LMTK2: variants seen among roughly 807,000 people sequenced by gnomAD.
LMTK2 encodes the protein lemur tail kinase 2.
In LMTK2, 37 loss-of-function variants were observed where a neutral mutation model predicts 127.5. The ratio of observed to expected loss-of-function variants is 0.29; its 90% CI spans 0.22 to 0.38. The LOEUF is 0.38. LMTK2 is among the 10% of genes least tolerant of loss of function. The pLI, the probability that LMTK2 is intolerant of heterozygous loss-of-function variation, is 1.00. For missense variants in LMTK2, 1,694 were observed against 1,920.3 expected (o/e 0.88, Z 2.20); for synonymous variants, 819 against 810.1 (o/e 1.01, Z -0.19).
intron 1 of LMTK2, among the ~76,000 whole-genome samples, chr7:98,133,832 A>G (rs1444016352): frequency 6.6e-6 from 1 of 152,192 alleles, no homozygotes; most frequent in Non-Finnish European, 1.5e-5. Flanking sequence ...CATGAATCAG[A>G]TAATTAGGCT....
At chr7:98,174,925 C>T (rs552048925) in intron 7 of LMTK2, among the ~76,000 whole-genome samples, 49 of 152,260 alleles carry the variant, frequency 3.2e-4, no homozygotes, top group African/African-American at 1.2e-3. Context: ...AGAGTGGAAA[C>T]GCATGTTCTC....
At position 98,106,914 on chromosome 7, in the gene LMTK2, C is replaced by A. The variant is rs1310194325; in HGVS notation, c.-264C>A. 6.7e-6 allele frequency: 3 copies of A among 447,926 alleles called. No homozygotes were observed. The highest frequency in any genetic ancestry group is 8.8e-5 in the Admixed American group (2 of 22,820). 27.7% of individuals were successfully genotyped at this position (447,926 alleles called of 1,614,324 possible). ...CGGGAGCGCGGCTTCCCAGGCCCGC[C>A]GCTCCGCAGGGCTGCTGGCGTTGCT... On this transcript the variant is annotated 5_prime_UTR_variant, in exon 1 of 14. Transcript: ENST00000297293.
At chr7:98,173,211 C>T (rs1651198522) in intron 7 of LMTK2, among the ~76,000 whole-genome samples, 2 of 152,148 alleles carry the variant, frequency 1.3e-5, no homozygotes, top group African/African-American at 2.4e-5. Flanking sequence ...TGTCAACATT[C>T]CTTCAAGGGG....
intron 4 of LMTK2, among the ~76,000 whole-genome samples, chr7:98,154,314 T>C (rs574649905): frequency 6.6e-6 from 1 of 152,328 alleles, no homozygotes. Context: ...TGATTGTAAT[T>C]AGCTTTCGTC....
At position 98,168,743 on chromosome 7, in the gene LMTK2, GGGCGTTGCA is replaced by G. The variant is rs1797140337; in HGVS notation, c.658-2795_658-2787del. ...GGTGTTTGAATGACTCATTCTACCA[GGGCGTTGCA>G]GGTCACTTGCTCTGCTGATGGAGAG... On this transcript the variant is annotated intron_variant, in intron 6 of 13. Transcript: ENST00000297293. Among the ~76,000 whole-genome samples, 3 of 152,262 alleles carry G rather than the reference GGGCGTTGCA, an allele frequency of 2.0e-5. No homozygotes were observed. The South Asian group carries it at 6.2e-4, about 32-fold the overall frequency.
intron 1 of LMTK2, among the ~76,000 whole-genome samples, chr7:98,116,413 CGTGTGTTTGTGCGTGTGTGT>C (rs1286452921): frequency 2.7e-5 from 4 of 149,536 alleles, no homozygotes; most frequent in African/African-American, 9.8e-5. Context: ...TGTGCATGTG[CGTGTGTTTGTGCGTGTGTGT>C]GTGTGTTTGT....
intron 2 of LMTK2, among the ~76,000 whole-genome samples, chr7:98,138,096 A>T (rs1293354240): frequency 6.6e-6 from 1 of 152,238 alleles, no homozygotes; most frequent in Non-Finnish European, 1.5e-5. Context: ...CCAGCCAGGA[A>T]GGCCTCTAGA....
intron 2 of LMTK2, 99 bp from the exon 3 acceptor site, chr7:98,141,298 A>G: frequency 8.4e-7 from 1 of 1,193,826 alleles, no homozygotes. Context: ...CAAACTGGAA[A>G]AAAATAATTG....
intron 7 of LMTK2, among the ~76,000 whole-genome samples, chr7:98,174,104 TAAAAAA>T (rs11351887): frequency 2.5e-5 from 3 of 117,898 alleles, no homozygotes; most frequent in African/African-American, 1.1e-4. Context: ...CATTTTGTTG[TAAAAAA>T]AAAAAAAAAA....
At chr7:98,198,331 C>T (rs1271884071) in intron 11 of LMTK2, among the ~76,000 whole-genome samples, 1 of 151,976 alleles carries the variant, frequency 6.6e-6, no homozygotes, top group East Asian at 1.9e-4. Context: ...GCTGGGATTA[C>T]AGGCGTGTGC....
chr7:98,108,976 C>T (rs1796158670), intron 1 of LMTK2, among the ~76,000 whole-genome samples: 1 of 151,454 alleles, frequency 6.6e-6, no homozygotes, highest in Non-Finnish European at 1.5e-5. Context: ...AGTTCTCTGC[C>T]TCAGCCTCCT....
At position 98,171,173 on chromosome 7, in the gene LMTK2, G is replaced by C. The variant is rs576659061; in HGVS notation, c.658-368G>C. Among the ~76,000 whole-genome samples, 35 of 152,138 alleles carry C rather than the reference G, an allele frequency of 2.3e-4. No homozygotes were observed. Among genetic ancestry groups the C allele is most frequent in the Non-Finnish European group, 4.7e-4 (32 of 68,038 alleles). Reference sequence around the variant, plus strand: ...GCTCACTGCCCAGGGGCCGCCTGGAGTCCATAGAACAGGCAGTGTGAGTGG... The same window carrying C: ...GCTCACTGCCCAGGGGCCGCCTGGACTCCATAGAACAGGCAGTGTGAGTGG... On this transcript the variant is annotated intron_variant, in intron 6 of 13. Coordinates refer to ENST00000297293, the MANE Select transcript of LMTK2 (RefSeq NM_014916.4). This position sits in a 1 kb window ranked among gnomAD's most constrained non-coding sequence, Gnocchi z 5.1.
At chr7:98,190,179 A>G (rs1035668305) in intron 9 of LMTK2, among the ~76,000 whole-genome samples, 2 of 152,202 alleles carry the variant, frequency 1.3e-5, no homozygotes, top group African/African-American at 4.8e-5. Context: ...TTCATTGGCC[A>G]AAACTTCTAG....
chr7:98,189,879 C>T (rs146958957), intron 9 of LMTK2, among the ~76,000 whole-genome samples: 1 of 152,242 alleles, frequency 6.6e-6, no homozygotes, highest in African/African-American at 2.4e-5. Context: ...GCAAAACCCA[C>T]GATACTGAGG....
At position 98,194,487 on chromosome 7, in the gene LMTK2, C is replaced by T; in HGVS notation, c.4022C>T (p.Ala1341Val). 1 of 1,613,744 alleles carries T rather than the reference C, an allele frequency of 6.2e-7. No individual in the cohort carries two copies. Among genetic ancestry groups the T allele is most frequent in the African/African-American group, 1.3e-5 (1 of 75,048 alleles). Residue 1341 changes from alanine (A) to valine (V), a missense_variant, in exon 11 of 14, where the codon GCC (alanine) becomes GTC (valine). By Grantham distance (64) the Ala-to-Val change is moderately conservative. Coordinates refer to ENST00000297293, the MANE Select transcript of LMTK2 (RefSeq NM_014916.4). The surrounding 1 kb of genome is among the most constrained non-coding windows in gnomAD (Gnocchi z 5.4). ...RSLLKPTAAN[A>V]PDPLPEDWKK... ...CTGTTGAAGCCCACAGCGGCCAATGCCCCCGACCCACTGCCCGAGGACTGG... is the reference window on the plus strand; with the variant it reads ...CTGTTGAAGCCCACAGCGGCCAATGTCCCCGACCCACTGCCCGAGGACTGG...
At chr7:98,204,990 G>C (rs1403580408) in intron 13 of LMTK2, among the ~76,000 whole-genome samples, 1 of 152,182 alleles carries the variant, frequency 6.6e-6, no homozygotes, top group Non-Finnish European at 1.5e-5. Flanking sequence ...GCGGGGTGGG[G>C]TGAATGGGCA....
chr7:98,126,811 T>C (rs1223095190), intron 1 of LMTK2: 1 of 152,212 alleles, frequency 6.6e-6, no homozygotes, highest in Non-Finnish European at 1.5e-5. Flanking sequence ...GAGGGAGCAG[T>C]TGGGCTGGCT....
At chr7:98,188,693 C>T (rs1348962143) in intron 9 of LMTK2, among the ~76,000 whole-genome samples, 2 of 152,160 alleles carry the variant, frequency 1.3e-5, no homozygotes, top group African/African-American at 4.8e-5. Flanking sequence ...TGCTTCCCTC[C>T]TATGTGACTT....
intron 2 of LMTK2, among the ~76,000 whole-genome samples, chr7:98,138,412 C>T (rs906243221): frequency 2.6e-5 from 4 of 152,194 alleles, no homozygotes; most frequent in Non-Finnish European, 5.9e-5. Context: ...AGGAGACACA[C>T]AGATGTGCTG....
Sources: gnomAD v4.1 joint callset for allele counts (sites outside exome capture counted in the v4.1 genomes callset) on GRCh38, gnomAD v4.1.1 for gene constraint, Gnocchi (gnomAD v3.1) non-coding constraint, MANE v1.5 for transcripts, NCBI Gene and HGNC (gene_info 2026-07-23, HGNC 2026-07-21) for gene names.